The following NXF3 variants were observed in gnomAD, a reference collection of about 807,000 sequenced individuals.
NXF3 encodes TAP-like protein 3.
Under a neutral mutation model 48.4 loss-of-function variants are expected in NXF3, and 34 were observed. The observed-to-expected ratio is 0.70, with a 90% CI of 0.53 to 0.93. The LOEUF is 0.93. Among genes scored for constraint, NXF3 ranks in the 40% least tolerant of loss-of-function variants. The probability of loss-of-function intolerance (pLI) is 0.00; values close to 1 mark genes in which losing one functional copy is unlikely to be tolerated. For missense variants in NXF3, 359 were observed against 406.1 expected (o/e 0.88, Z 1.00); for synonymous variants, 132 against 145.7 (o/e 0.91, Z 0.68).
At chrX:103,087,267 C>A in intron 1 of NXF3, 1 of 1,078,662 alleles carries the variant, frequency 9.3e-7, no homozygotes, top group Non-Finnish European at 1.3e-6. Context: ...TACCTAGAAA[C>A]AGGCCATATA....
At chrX:103,083,910 C>G (rs1006496217) in intron 3 of NXF3, among the ~76,000 whole-genome samples, 1 of 111,593 alleles carries the variant, frequency 9.0e-6, no homozygotes, top group South Asian at 3.8e-4. Flanking sequence ...CCCTTTCTTA[C>G]TATTCAAATA....
intron 9 of NXF3, chrX:103,081,369 A>G (rs1894464): frequency 8.9e-6 from 1 of 112,356 alleles, no homozygotes; most frequent in Non-Finnish European, 1.9e-5. Context: ...TGAAGGGTCA[A>G]GCCCCAGCTC....
intron 9 of NXF3, chrX:103,080,828 C>G (rs1295863377): frequency 4.6e-6 from 2 of 432,593 alleles, no homozygotes; most frequent in Non-Finnish European, 8.2e-6. Flanking sequence ...CAAGTCCCCA[C>G]TGAAGGCTCT....
chrX:103,082,148 G>A (rs1022388102), intron 9 of NXF3, 107 bp downstream of exon 9: 1 of 559,776 alleles, frequency 1.8e-6, no homozygotes, highest in Non-Finnish European at 3.3e-6. Flanking sequence ...CGAGGGGGAA[G>A]GAGAGGGTCT....
At position 103,083,489 on chromosome X, in the gene NXF3, T is replaced by C; in HGVS notation, c.449A>G (p.Asn150Ser). The change falls in exon 5 of 20, where the codon AAC becomes AGC. Residue 150 changes from asparagine to serine, a missense_variant. Asn to Ser is a conservative substitution (Grantham distance 46). Coordinates refer to ENST00000395065, the MANE Select transcript of NXF3 (RefSeq NM_022052.2). ...PFVPVEFHYE[N>S]MHASFFVENA... ...CTCCACAAAGAAGCTGGCATGCATG[T>C]TTTCATAGTGAAACTATAGGGAGAG... 1 of 1,208,481 alleles carries C rather than the reference T, an allele frequency of 8.3e-7. No homozygotes were observed.
At position 103,077,795 on chromosome X, in the gene NXF3, C is replaced by A. The variant is rs764163969; in HGVS notation, c.1452-49G>T. 4.2e-6 allele frequency: 5 copies of A among 1,181,425 alleles called. No homozygotes were observed. In the East Asian group the frequency reaches 1.5e-4, roughly 36 times the overall value. ...GTAGCCGGAGAGAAGGACACCTCCCCACCCGCTACAAGGATCTTTTTCCTA... is the reference window on the plus strand; with the variant it reads ...GTAGCCGGAGAGAAGGACACCTCCCAACCCGCTACAAGGATCTTTTTCCTA... On this transcript the variant is annotated intron_variant, in intron 17 of 19. Transcript: ENST00000395065.
At chrX:103,088,193 T>C in intron 1 of NXF3, 2 of 997,467 alleles carry the variant, frequency 2.0e-6, no homozygotes, top group East Asian at 3.2e-5. Flanking sequence ...ATAAAACCAT[T>C]GTTAAAAAAA....
At chrX:103,087,792 C>A in intron 1 of NXF3, 1 of 919,147 alleles carries the variant, frequency 1.1e-6, no homozygotes, top group South Asian at 2.1e-5. Context: ...TTTTGACAGT[C>A]ACCTCACTTA....
intron 1 of NXF3, 136 bp downstream of exon 1, chrX:103,092,860 G>C (rs1395340420): frequency 1.6e-6 from 1 of 625,634 alleles, no homozygotes; most frequent in Non-Finnish European, 2.6e-6. Context: ...CTCAGGCCTG[G>C]GCCCTTGCCA....
chrX:103,080,774 T>C (rs1188106650), intron 9 of NXF3, 162 bp from the exon 10 acceptor site: 18 of 482,622 alleles, frequency 3.7e-5, no homozygotes, highest in Non-Finnish European at 6.2e-5. Context: ...AGCCCAGGCT[T>C]CAGGACTTTC....
chrX:103,091,701 T>C (rs1183055994), intron 1 of NXF3, among the ~76,000 whole-genome samples: 1 of 110,677 alleles, frequency 9.0e-6, no homozygotes, highest in Non-Finnish European at 1.9e-5. Context: ...GTTAAGAAGA[T>C]TAGGCCAGGC....
rs980901438 is a variant in NXF3 at position 103,088,951 on chromosome X, A to C, written c.28+4045T>G. The C allele has an allele frequency of 1.6e-4, 190 of 1,183,411 alleles. 1 individual carries two copies. In the South Asian group the frequency reaches 2.6e-3, roughly 16 times the overall value. On this transcript the variant is annotated intron_variant, in intron 1 of 19. Coordinates refer to ENST00000395065, the MANE Select transcript of NXF3 (RefSeq NM_022052.2). ...GATCAAATGTCAGGAGTTAAGGCAG[A>C]CTCACAGGATTTTATTCCTGGTAGC...
chrX:103,092,765 A>G (rs1922310321), intron 1 of NXF3, among the ~76,000 whole-genome samples: 1 of 112,484 alleles, frequency 8.9e-6, no homozygotes, highest in Admixed American at 9.4e-5. Flanking sequence ...TCTAGTGTAC[A>G]TCCAAGGAAT....
rs750383437 is a variant in NXF3, at chrX:103,079,263, C to T, written c.1336G>A (p.Glu446Lys). The T allele has an allele frequency of 7.9e-5, 95 of 1,209,825 alleles. No individual in the cohort carries two copies. The East Asian group carries it at 2.8e-3, about 35-fold the overall frequency. The change falls in exon 16 of 20, where the codon GAA becomes AAA. Residue 446 changes from glutamate to lysine, a missense_variant and splice_region_variant. By Grantham distance (56) the Glu-to-Lys change is moderately conservative. Transcript: ENST00000395065. ...TTGACAGAAAAGCAGAGCATCCATT[C>T]CTGAAAGGGAAGATCTCAGGTGCTC... is the stretch of plus-strand genomic sequence containing the variant. ...SFLVDMWYQT[E>K]WMLCFSVNGV...
Position 103,079,351 on chromosome X carries a change from G to A in NXF3, c.1335+8C>T. On this transcript the variant is annotated splice_region_variant and intron_variant, in intron 15 of 19. Coordinates refer to ENST00000395065, the MANE Select transcript of NXF3 (RefSeq NM_022052.2). The stretch of plus-strand genomic sequence containing the variant: ...TGGGCCTGCCCAAGGGAGGAAGCAG[G>A]TACTCACCGTCTGGTACCACATGTC... The A allele has an allele frequency of 8.3e-7, 1 of 1,207,989 alleles. No individual in the cohort carries two copies.
Position 103,084,495 on chromosome X carries a change from G to T in NXF3, c.198C>A (p.Tyr66Ter). 8.3e-7 allele frequency: 1 copy of T among 1,211,254 alleles called. No individual in the cohort carries two copies. The highest frequency in any genetic ancestry group is 3.0e-5 in the East Asian group (1 of 33,839). The change falls in exon 3 of 20, where the codon TAC (tyrosine) becomes TAA (stop). Residue 66 changes from tyrosine (Y) to a stop codon, truncating the protein, a stop_gained and splice_region_variant. Transcript: ENST00000395065. LOFTEE classifies it high-confidence loss of function. ...TATAGGGTGAAATAGTATAGGGAGT[G>T]CTGTGAGCAAGTGGAGAAAAGGTAG... ...HGAHMDSPVRYTPYTISPYNR... is the reference protein window; with the variant it reads ...HGAHMDSPVR
intron 9 of NXF3, 97 bp from the exon 10 acceptor site, chrX:103,080,709 G>T (rs1248325000): frequency 4.8e-6 from 4 of 829,419 alleles, no homozygotes; most frequent in Admixed American, 2.3e-5. Flanking sequence ...ACACAGTGCA[G>T]TGTGTCCACC....
chrX:103,080,366 C>G (rs1033156916), intron 10 of NXF3, 150 bp from the exon 11 acceptor site: 66 of 663,440 alleles, frequency 9.9e-5, no homozygotes, highest in Non-Finnish European at 1.5e-4. Context: ...TCGGGATTGC[C>G]GCCACCTGAA....
intron 1 of NXF3, chrX:103,088,074 A>G (rs749821315): frequency 1.6e-5 from 14 of 902,964 alleles, no homozygotes; most frequent in Middle Eastern, 6.5e-4. Flanking sequence ...TCCCTTTTCA[A>G]TATCCAAAGT....
Sources: gnomAD v4.1 joint callset for allele counts (sites outside exome capture counted in the v4.1 genomes callset) on GRCh38, gnomAD v4.1.1 for gene constraint, MANE v1.5 for transcripts, NCBI Gene and HGNC (gene_info 2026-07-23, HGNC 2026-07-21) for gene names.